KCNJ3: variants seen among roughly 807,000 people sequenced by gnomAD.
KCNJ3 encodes the protein G protein-activated inward rectifier potassium channel 1.
KCNJ3 carries 4 observed loss-of-function variants against 39.2 expected under a neutral mutation model. The ratio of observed to expected loss-of-function variants is 0.10; its 90% CI spans 0.05 to 0.23. The LOEUF (loss-of-function observed/expected upper bound fraction) is 0.23, where lower values mean the gene tolerates loss of function less well. KCNJ3 is among the 10% of genes least tolerant of loss of function. KCNJ3 has a pLI of 1.00. For missense variants in KCNJ3, 276 were observed against 634.9 expected (o/e 0.43, Z 6.08); for synonymous variants, 230 against 237.4 (o/e 0.97, Z 0.29).
chr2:154,704,333 G>C (rs1684961507), intron 1 of KCNJ3, among the ~76,000 whole-genome samples: 2 of 152,146 alleles, frequency 1.3e-5, no homozygotes, highest in South Asian at 4.1e-4. Flanking sequence ...TATTTGGCGA[G>C]TAGGAGGAAA....
intron 2 of KCNJ3, among the ~76,000 whole-genome samples, chr2:154,807,627 G>C (rs1686933891): frequency 6.6e-6 from 1 of 152,202 alleles, no homozygotes. Context: ...AAGACATCTA[G>C]AGGTGGTGAC....
intron 2 of KCNJ3, among the ~76,000 whole-genome samples, chr2:154,813,164 C>T (rs571273059): frequency 2.6e-5 from 4 of 152,218 alleles, no homozygotes; most frequent in African/African-American, 7.2e-5. Context: ...TTAGCAGGGC[C>T]GATCACATCT....
intron 2 of KCNJ3, among the ~76,000 whole-genome samples, chr2:154,804,140 T>C (rs1165160941): frequency 6.6e-6 from 1 of 152,052 alleles, no homozygotes; most frequent in Non-Finnish European, 1.5e-5. Flanking sequence ...CTTAAATAGA[T>C]AAAAATAATA....
chr2:154,832,413 A>G (rs1001102870), intron 2 of KCNJ3, among the ~76,000 whole-genome samples: 1 of 152,166 alleles, frequency 6.6e-6, no homozygotes, highest in Admixed American at 6.5e-5. Context: ...TAGTCTATGC[A>G]TGTTTCTCTT....
intron 2 of KCNJ3, among the ~76,000 whole-genome samples, chr2:154,714,438 T>A (rs1410659408): frequency 6.6e-6 from 1 of 152,172 alleles, no homozygotes; most frequent in South Asian, 2.1e-4. Flanking sequence ...AAATATTTTT[T>A]AGTTTTTCCT....
intron 2 of KCNJ3, among the ~76,000 whole-genome samples, chr2:154,718,774 A>G (rs1358629612): frequency 6.6e-6 from 1 of 152,154 alleles, no homozygotes; most frequent in Non-Finnish European, 1.5e-5. Context: ...AGCCCTTAAC[A>G]TCTTAGAGTG....
intron 1 of KCNJ3, among the ~76,000 whole-genome samples, chr2:154,702,663 C>A (rs1465848239): frequency 6.6e-6 from 1 of 151,844 alleles, no homozygotes; most frequent in East Asian, 1.9e-4. Context: ...GATCTTTCAA[C>A]TTTATGCCTG....
chr2:154,752,212 T>A (rs1451476327), intron 2 of KCNJ3, among the ~76,000 whole-genome samples: 1 of 152,026 alleles, frequency 6.6e-6, no homozygotes, highest in Non-Finnish European at 1.5e-5. Flanking sequence ...CAAACTGAGA[T>A]TGTTTTTCTT....
At chr2:154,775,053 A>G (rs1686309419) in intron 2 of KCNJ3, among the ~76,000 whole-genome samples, 1 of 152,070 alleles carries the variant, frequency 6.6e-6, no homozygotes, top group African/African-American at 2.4e-5. Context: ...AATAGTTGGG[A>G]CCACAGGCAT....
intron 2 of KCNJ3, among the ~76,000 whole-genome samples, chr2:154,792,702 A>G (rs1039803757): frequency 5.3e-5 from 8 of 152,130 alleles, no homozygotes; most frequent in African/African-American, 1.9e-4. Flanking sequence ...AAAGGCAGAG[A>G]GATCTATGGC....
chr2:154,835,356 A>G (rs1687438554), intron 2 of KCNJ3, among the ~76,000 whole-genome samples: 1 of 151,098 alleles, frequency 6.6e-6, no homozygotes, highest in Non-Finnish European at 1.5e-5. Flanking sequence ...TTTGTTTACT[A>G]TTCAAAAAGT....
At chr2:154,832,196 A>G (rs1215428842) in intron 2 of KCNJ3, among the ~76,000 whole-genome samples, 1 of 152,136 alleles carries the variant, frequency 6.6e-6, no homozygotes, top group Non-Finnish European at 1.5e-5. Context: ...TATGGGTCAA[A>G]TTTCAGGAAG....
intron 2 of KCNJ3, among the ~76,000 whole-genome samples, chr2:154,822,229 G>T (rs909635512): frequency 6.6e-6 from 1 of 152,130 alleles, no homozygotes; most frequent in Non-Finnish European, 1.5e-5. Context: ...GGTGGAATAA[G>T]TCAAATGTAC....
intron 2 of KCNJ3, among the ~76,000 whole-genome samples, chr2:154,843,126 G>A (rs1687604944): frequency 6.6e-6 from 1 of 152,176 alleles, no homozygotes; most frequent in Non-Finnish European, 1.5e-5. Context: ...TTGTAGGGCA[G>A]GCCTGGTGGT....
chr2:154,752,789 G>C (rs891256116), intron 2 of KCNJ3, among the ~76,000 whole-genome samples: 2 of 151,888 alleles, frequency 1.3e-5, no homozygotes, highest in African/African-American at 4.8e-5. Flanking sequence ...ATTCTGTTAA[G>C]CTACATAAAC....
chr2:154,760,735 C>CTTTTTTTTTT (rs887796000), intron 2 of KCNJ3, among the ~76,000 whole-genome samples: 64 of 127,684 alleles, frequency 5.0e-4, no homozygotes, highest in East Asian at 9.2e-4. Context: ...TCTTTTTTTT[C>CTTTTTTTTTT]TTTTTTTTTT....
intron 2 of KCNJ3, among the ~76,000 whole-genome samples, chr2:154,850,431 C>A (rs1687739681): frequency 6.6e-6 from 1 of 151,982 alleles, no homozygotes; most frequent in African/African-American, 2.4e-5. Flanking sequence ...TTGAAATTTG[C>A]ATTTTATTTT....
At chr2:154,749,357 C>A (rs1348164286) in intron 2 of KCNJ3, among the ~76,000 whole-genome samples, 1 of 152,062 alleles carries the variant, frequency 6.6e-6, no homozygotes, top group African/African-American at 2.4e-5. Flanking sequence ...AAAGTTTTAG[C>A]AGATCTGCTT....
At chr2:154,710,496 G>C (rs1175092411) in intron 2 of KCNJ3, among the ~76,000 whole-genome samples, 1 of 152,156 alleles carries the variant, frequency 6.6e-6, no homozygotes, top group African/African-American at 2.4e-5. Flanking sequence ...GGACAGTTAA[G>C]TTGACAAAGG....
Sources: gnomAD v4.1 joint callset for allele counts (sites outside exome capture counted in the v4.1 genomes callset) on GRCh38, gnomAD v4.1.1 for gene constraint, MANE v1.5 for transcripts, NCBI Gene and HGNC (gene_info 2026-07-23, HGNC 2026-07-21) for gene names.